Variants in NPAS3 observed in about 807,000 individuals in gnomAD.
NPAS3 encodes neuronal PAS domain protein 3, also known as neuronal PAS domain-containing protein 3.
In NPAS3, 14 loss-of-function variants were observed where a neutral mutation model predicts 73.1. The ratio of observed to expected loss-of-function variants is 0.19; its 90% CI spans 0.13 to 0.30. The LOEUF (loss-of-function observed/expected upper bound fraction) is 0.30. NPAS3 is among the 10% of genes least tolerant of loss of function. The pLI is 1.00. For synonymous variants in NPAS3, 620 were observed against 541.5 expected (o/e 1.14, Z -2.01); for missense variants, 1,096 against 1,250.0 (o/e 0.88, Z 1.86).
intron 4 of NPAS3, among the ~76,000 whole-genome samples, chr14:33,378,004 T>A (rs982358925): frequency 3.9e-5 from 6 of 152,164 alleles, no homozygotes; most frequent in African/African-American, 1.4e-4. Context: ...CCAACATAGT[T>A]CAATGTAACA....
chr14:33,254,929 A>G (rs1465575613), intron 3 of NPAS3, among the ~76,000 whole-genome samples: 2 of 152,094 alleles, frequency 1.3e-5, no homozygotes, highest in Admixed American at 6.5e-5. Flanking sequence ...AGGAGATGCT[A>G]TAATATTTCT....
intron 6 of NPAS3, among the ~76,000 whole-genome samples, chr14:33,682,743 G>A (rs1186804837): frequency 6.6e-6 from 1 of 152,224 alleles, no homozygotes; most frequent in Non-Finnish European, 1.5e-5. Context: ...CTTAATTTGT[G>A]TGTGTTCACA....
At chr14:33,421,215 G>A (rs1207751536) in intron 4 of NPAS3, among the ~76,000 whole-genome samples, 1 of 151,054 alleles carries the variant, frequency 6.6e-6, no homozygotes, top group Non-Finnish European at 1.5e-5. Flanking sequence ...TCCGTACTGT[G>A]ACTTATCATT....
chr14:33,625,498 G>A (rs1158028731), intron 5 of NPAS3, among the ~76,000 whole-genome samples: 2 of 152,202 alleles, frequency 1.3e-5, no homozygotes, highest in East Asian at 3.8e-4. Context: ...GTACTTTAAT[G>A]AAATTCTCCA....
intron 3 of NPAS3, among the ~76,000 whole-genome samples, chr14:33,364,728 A>C (rs1344667682): frequency 6.6e-6 from 1 of 152,154 alleles, no homozygotes; most frequent in East Asian, 1.9e-4. Flanking sequence ...GTGGAGAAAC[A>C]GCGGGAAAAG....
intron 2 of NPAS3, among the ~76,000 whole-genome samples, chr14:33,212,949 G>A (rs1239770722): frequency 6.6e-6 from 1 of 152,156 alleles, no homozygotes; most frequent in Non-Finnish European, 1.5e-5. Flanking sequence ...ACTATGACAT[G>A]TTTTATTTGG....
intron 1 of NPAS3, among the ~76,000 whole-genome samples, chr14:32,996,090 T>C (rs2038558409): frequency 6.6e-6 from 1 of 152,160 alleles, no homozygotes; most frequent in South Asian, 2.1e-4. Flanking sequence ...TGAGGAACTT[T>C]TTGGGAACTG....
At chr14:33,674,937 G>C (rs1466866025) in intron 5 of NPAS3, among the ~76,000 whole-genome samples, 1 of 152,170 alleles carries the variant, frequency 6.6e-6, no homozygotes. Context: ...TACAGTCTCT[G>C]TGACAGTTTT....
chr14:33,518,604 T>C (rs980446625), intron 4 of NPAS3, among the ~76,000 whole-genome samples: 1 of 151,690 alleles, frequency 6.6e-6, no homozygotes, highest in Non-Finnish European at 1.5e-5. Flanking sequence ...TTTTTTTTTT[T>C]TTTTTTGGCA....
At chr14:33,153,081 A>T in intron 2 of NPAS3, among the ~76,000 whole-genome samples, 1 of 149,954 alleles carries the variant, frequency 6.7e-6, no homozygotes, top group Admixed American at 6.7e-5. Flanking sequence ...TTGTTCTCTG[A>T]ATTTTCTTTT....
chr14:33,758,146 A>G (rs1357524713), intron 7 of NPAS3, among the ~76,000 whole-genome samples: 1 of 152,120 alleles, frequency 6.6e-6, no homozygotes, highest in East Asian at 1.9e-4. Flanking sequence ...TACAGCATTC[A>G]TAGCATTCCA....
chr14:33,090,376 C>A (rs927760235), intron 2 of NPAS3, among the ~76,000 whole-genome samples: 1 of 152,090 alleles, frequency 6.6e-6, no homozygotes, highest in Non-Finnish European at 1.5e-5. Context: ...GACTTTAAAC[C>A]AACAAAGATC....
chr14:33,456,585 T>G (rs1184363282), intron 4 of NPAS3, among the ~76,000 whole-genome samples: 1 of 152,204 alleles, frequency 6.6e-6, no homozygotes, highest in Admixed American at 6.5e-5. Flanking sequence ...TTAAAATAGT[T>G]TTTAAGAGCT....
intron 2 of NPAS3, among the ~76,000 whole-genome samples, chr14:33,162,697 G>A (rs557061854): frequency 6.6e-6 from 1 of 152,034 alleles, no homozygotes; most frequent in Admixed American, 6.5e-5. Context: ...CCCAAGAGGA[G>A]CGTCTACACT....
At chr14:33,792,825 T>A (rs576154355) in intron 9 of NPAS3, among the ~76,000 whole-genome samples, 2 of 152,300 alleles carry the variant, frequency 1.3e-5, no homozygotes, top group South Asian at 4.1e-4. Context: ...GGCAAGGACA[T>A]GCCAAAAGTG....
intron 4 of NPAS3, among the ~76,000 whole-genome samples, chr14:33,451,948 C>T (rs916164582): frequency 2.6e-5 from 4 of 152,122 alleles, no homozygotes; most frequent in Non-Finnish European, 5.9e-5. Context: ...ATTTCAGGTG[C>T]TGTGTTTTGC....
At chr14:33,478,810 CT>C (rs1317550875) in intron 4 of NPAS3, among the ~76,000 whole-genome samples, 1 of 152,162 alleles carries the variant, frequency 6.6e-6, no homozygotes, top group Non-Finnish European at 1.5e-5. Context: ...GTGTTATCTT[CT>C]TTTTTGATAT....
intron 3 of NPAS3, among the ~76,000 whole-genome samples, chr14:33,265,831 T>C (rs909144362): frequency 2.0e-5 from 3 of 152,122 alleles, no homozygotes; most frequent in Non-Finnish European, 4.4e-5. Context: ...TTTCTGATAG[T>C]CTATCATTAG....
intron 4 of NPAS3, among the ~76,000 whole-genome samples, chr14:33,505,329 A>G (rs1400325231): frequency 3.3e-5 from 5 of 151,804 alleles, no homozygotes; most frequent in African/African-American, 1.2e-4. Context: ...AAAGTGGAGA[A>G]AAGTTGTACA....
Sources: gnomAD v4.1 joint callset for allele counts (sites outside exome capture counted in the v4.1 genomes callset) on GRCh38, gnomAD v4.1.1 for gene constraint, MANE v1.5 for transcripts, NCBI Gene and HGNC (gene_info 2026-07-23, HGNC 2026-07-21) for gene names.